KDM7A: variants seen among roughly 807,000 people sequenced by gnomAD.
KDM7A encodes the protein lysine demethylase 7A.
A neutral mutation model predicts 114.8 loss-of-function variants in KDM7A; 28 were observed. The observed-to-expected ratio is 0.24, with a 90% CI of 0.18 to 0.33. KDM7A has a LOEUF of 0.33. KDM7A is among the 10% of genes least tolerant of loss of function. The pLI is 1.00. For missense variants in KDM7A, 942 were observed against 1,142.5 expected (o/e 0.82, Z 2.53); for synonymous variants, 423 against 397.8 (o/e 1.06, Z -0.75).
At chr7:140,152,315 C>A (rs1794409193) in intron 1 of KDM7A, among the ~76,000 whole-genome samples, 1 of 151,938 alleles carries the variant, frequency 6.6e-6, no homozygotes, top group Admixed American at 6.6e-5. Flanking sequence ...TATATATGAC[C>A]CAGAGACCTC....
chr7:140,098,929 C>T lies in KDM7A; in HGVS notation c.1868G>A (p.Ser623Asn). The T allele has an allele frequency of 1.9e-6, 3 of 1,613,628 alleles. No individual in the cohort carries two copies. The highest frequency in any genetic ancestry group is 2.5e-6 in the Non-Finnish European group (3 of 1,179,668). The change falls in exon 14 of 20, where the codon AGT becomes AAT. Residue 623 changes from serine (S) to asparagine (N), a missense_variant. Physicochemically the swap from Ser to Asn is conservative, Grantham distance 46 (BLOSUM62 1). Around this residue, in one of 4 missense-constraint regions of KDM7A, gnomAD observed 512 missense variants for 576.6 expected, o/e 0.89. Coordinates refer to ENST00000397560, the MANE Select transcript of KDM7A (RefSeq NM_030647.2). Reference sequence around the variant, plus strand: ...ATGTTCCACTCCCTCTACTCCTGAACTCTCTTCTATCTTCATTTTTGCCTT... The same window carrying T: ...ATGTTCCACTCCCTCTACTCCTGAATTCTCTTCTATCTTCATTTTTGCCTT... Reference protein sequence around the residue: ...TKKAKMKIEESSGVEGVEHEE... With the variant: ...TKKAKMKIEENSGVEGVEHEE...
At chr7:140,173,302 T>G (rs1042564703) in intron 1 of KDM7A, among the ~76,000 whole-genome samples, 5 of 152,110 alleles carry the variant, frequency 3.3e-5, no homozygotes, top group Admixed American at 3.3e-4. Flanking sequence ...TGTTCTTTTC[T>G]CACTTGCAAA....
chr7:140,152,211 A>G (rs1023150914), intron 1 of KDM7A, among the ~76,000 whole-genome samples: 2 of 152,238 alleles, frequency 1.3e-5, no homozygotes, highest in Non-Finnish European at 2.9e-5. Context: ...TATCCTTAGT[A>G]TGCTTTTTCA....
rs547394596 is a variant in KDM7A at position 140,090,368 on chromosome 7, T to C, written c.*726A>G. Reference sequence around the variant, plus strand: ...AGAGTCTTACTGGGTCATCACAAAATGATGGGGAGTGCAGAGGGAAGGTGG... The same window carrying C: ...AGAGTCTTACTGGGTCATCACAAAACGATGGGGAGTGCAGAGGGAAGGTGG... On this transcript the variant is annotated 3_prime_UTR_variant, in exon 20 of 20. Transcript: ENST00000397560. 6.6e-6 allele frequency: 1 copy of C among 152,202 alleles called. No individual in the cohort carries two copies. Among genetic ancestry groups the C allele is most frequent in the East Asian group, 1.9e-4 (1 of 5,188 alleles). The allele number at this position is 152,202 out of a possible 1,614,324, so 9.4% of individuals were successfully genotyped here.
Position 140,123,982 on chromosome 7 carries a change from A to G in KDM7A, c.1051+639T>C, listed in dbSNP as rs192662242. On this transcript the variant is annotated intron_variant, in intron 7 of 19. Transcript: ENST00000397560. ...CTACTTGGAAGGCTGAGGCAGGAGA[A>G]TGGCACGAACCCGGGATGGGGAGCT... is the stretch of plus-strand genomic sequence containing the variant. 1.1e-4 allele frequency among the ~76,000 whole-genome samples: 17 copies of G among 151,916 alleles called. 1 individual carries two copies. Among genetic ancestry groups the G allele is most frequent in the Admixed American group, 2.6e-4 (4 of 15,270 alleles).
intron 6 of KDM7A, 133 bp from the exon 7 acceptor site, chr7:140,124,916 A>G (rs578000720): frequency 2.4e-5 from 15 of 624,622 alleles, no homozygotes; most frequent in Admixed American, 1.6e-4. Context: ...TTCAAAAGAC[A>G]TATTTCACAC....
At position 140,089,467 on chromosome 7, in the gene KDM7A, G is replaced by A. The variant is rs867242278; in HGVS notation, c.*1627C>T. The A allele has an allele frequency of 3.3e-5, 5 of 152,040 alleles. No individual in the cohort carries two copies. Among genetic ancestry groups the A allele is most frequent in the South Asian group, 2.1e-4 (1 of 4,820 alleles). 9.4% of individuals were successfully genotyped at this position (152,040 alleles called of 1,614,324 possible). A position where few individuals can be genotyped will look rare whatever the true frequency, so the allele number is the denominator to read the frequency against. On this transcript the variant is annotated 3_prime_UTR_variant, in exon 20 of 20. Transcript: ENST00000397560. Reference sequence around the variant, plus strand: ...AGTGATACTTAATAGAGAAGGGTAAGTCCTGCTATCTTGCTGAGTAAAAAA... The same window carrying A: ...AGTGATACTTAATAGAGAAGGGTAAATCCTGCTATCTTGCTGAGTAAAAAA...
rs1283883794 is a variant in KDM7A, at chr7:140,114,775, C to T, written c.1247-1193G>A. ...CTGAGATGTGGGGAGCGCCTCTGCC[C>T]GGCCGCCCCGTCTGGGATGTGAGGA... is the stretch of plus-strand genomic sequence containing the variant. On this transcript the variant is annotated intron_variant, in intron 9 of 19. Coordinates refer to ENST00000397560, the MANE Select transcript of KDM7A (RefSeq NM_030647.2). Among the ~76,000 whole-genome samples the T allele has an allele frequency of 1.4e-4, 21 of 151,616 alleles. 1 individual carries two copies. The highest frequency in any genetic ancestry group is 4.8e-4 in the African/African-American group (20 of 41,338).
intron 9 of KDM7A, among the ~76,000 whole-genome samples, chr7:140,114,904 C>T (rs1193975903): frequency 6.6e-6 from 1 of 150,396 alleles, no homozygotes; most frequent in African/African-American, 2.5e-5. Context: ...GAAGCCGCCC[C>T]GTCTGAGAAG....
chr7:140,104,083 G>T (rs2116758293), intron 11 of KDM7A, among the ~76,000 whole-genome samples: 1 of 152,288 alleles, frequency 6.6e-6, no homozygotes, highest in Admixed American at 6.5e-5. Context: ...ATTTTTTCAT[G>T]TGTCTGTTGG....
intron 11 of KDM7A, among the ~76,000 whole-genome samples, chr7:140,109,832 C>T (rs909159928): frequency 1.3e-5 from 2 of 152,306 alleles, no homozygotes; most frequent in Non-Finnish European, 2.9e-5. Flanking sequence ...AACATATTGT[C>T]ATTACATTCC....
intron 1 of KDM7A, among the ~76,000 whole-genome samples, chr7:140,161,745 C>G (rs1248019168): frequency 2.6e-5 from 4 of 151,890 alleles, no homozygotes; most frequent in East Asian, 3.9e-4. Context: ...GGGGTTTCAC[C>G]GTGTTGGCCA....
At chr7:140,173,316 G>A (rs1794667382) in intron 1 of KDM7A, among the ~76,000 whole-genome samples, 1 of 152,048 alleles carries the variant, frequency 6.6e-6, no homozygotes, top group African/African-American at 2.4e-5. Context: ...TTGCAAAAAG[G>A]CTTAGGGAGA....
intron 1 of KDM7A, among the ~76,000 whole-genome samples, chr7:140,141,538 C>G (rs1794277764): frequency 1.3e-5 from 2 of 152,028 alleles, no homozygotes; most frequent in Admixed American, 6.6e-5. Flanking sequence ...ATACAAGGTC[C>G]TGGACACTTT....
chr7:140,138,408 A>G (rs1197737096), intron 2 of KDM7A, among the ~76,000 whole-genome samples: 1 of 152,194 alleles, frequency 6.6e-6, no homozygotes, highest in East Asian at 1.9e-4. Flanking sequence ...CCTGTAAAAG[A>G]TTCTGAAGCA....
intron 7 of KDM7A, among the ~76,000 whole-genome samples, chr7:140,123,528 A>AT (rs1003816306): frequency 5.3e-5 from 8 of 152,090 alleles, no homozygotes; most frequent in South Asian, 2.1e-4. Flanking sequence ...CAGATTTCAC[A>AT]TTTTTTTTGG....
chr7:140,096,356 C>A (rs2116740252), intron 17 of KDM7A, among the ~76,000 whole-genome samples, 199 bp downstream of exon 17: 2 of 152,298 alleles, frequency 1.3e-5, no homozygotes, highest in East Asian at 3.9e-4. Flanking sequence ...AATTGTCAAT[C>A]CCAGGTAATT....
Position 140,085,177 on chromosome 7 carries a change from TTGAC to T in KDM7A, c.*5913_*5916del, listed in dbSNP as rs1817904692. 1 of 152,248 alleles carries T rather than the reference TTGAC, an allele frequency of 6.6e-6. No individual in the cohort carries two copies. The highest frequency in any genetic ancestry group is 2.4e-5 in the African/African-American group (1 of 41,426). The allele number at this position is 152,248 out of a possible 1,614,324, so 9.4% of individuals were successfully genotyped here. On this transcript the variant is annotated 3_prime_UTR_variant, in exon 20 of 20. Transcript: ENST00000397560. ...TGAAAGGACACACATGTCACACACA[TTGAC>T]TGCCTATACAAACAAGACGAGACGC...
chr7:140,144,403 T>G (rs983312048), intron 1 of KDM7A, among the ~76,000 whole-genome samples: 2 of 152,102 alleles, frequency 1.3e-5, no homozygotes, highest in Non-Finnish European at 2.9e-5. Context: ...ACTCTTGAAA[T>G]AAAGCATGAG....
Sources: gnomAD v4.1 joint callset for allele counts (sites outside exome capture counted in the v4.1 genomes callset) on GRCh38, gnomAD v4.1.1 for gene constraint, gnomAD v4.1.1 regional missense constraint, MANE v1.5 for transcripts, NCBI Gene and HGNC (gene_info 2026-07-23, HGNC 2026-07-21) for gene names.